The following EFNA5 variants were observed in gnomAD, a reference collection of about 807,000 sequenced individuals.
The protein encoded by EFNA5 is ephrin-A5.
Under a neutral mutation model 22.9 loss-of-function variants are expected in EFNA5, and 5 were observed. That is an observed-to-expected ratio of 0.22 (90% CI 0.11 to 0.46). The LOEUF (loss-of-function observed/expected upper bound fraction) is 0.46. Among genes scored for constraint, EFNA5 ranks in the 20% least tolerant of loss-of-function variants. The pLI, the probability that EFNA5 is intolerant of heterozygous loss-of-function variation, is 0.99. For missense variants in EFNA5, 237 were observed against 293.3 expected, an observed-to-expected ratio of 0.81 and a Z score of 1.40; for synonymous variants, 113 against 112.2, an observed-to-expected ratio of 1.01 and a Z score of -0.04.
At position 107,648,335 on chromosome 5, in the gene EFNA5, G is replaced by A. The variant is rs148816035; in HGVS notation, c.125+22154C>T. On this transcript the variant is annotated intron_variant, in intron 1 of 4. Transcript: ENST00000333274. ...GGTGTGACAATGGAGTCATATTTAT[G>A]TAACTAAAATACTTATATTGCATAA... is the stretch of plus-strand genomic sequence containing the variant. Among the ~76,000 whole-genome samples the A allele has an allele frequency of 3.7e-3, 562 of 152,260 alleles. 2 individuals carry two copies. The highest frequency in any genetic ancestry group is 7.7e-3 in the South Asian group (37 of 4,828).
chr5:107,513,126 G>A (rs153100), intron 1 of EFNA5, among the ~76,000 whole-genome samples: 46,014 of 152,016 alleles, frequency 0.3, 7,423 homozygotes, highest in Middle Eastern at 0.38. Flanking sequence ...TTGGCACCAT[G>A]CCTCTGTAGC....
intron 1 of EFNA5, among the ~76,000 whole-genome samples, chr5:107,651,727 T>G (rs535802477): frequency 6.6e-6 from 1 of 151,956 alleles, no homozygotes; most frequent in East Asian, 1.9e-4. Context: ...GGGAAACAAT[T>G]CAGATATAAT....
intron 1 of EFNA5, among the ~76,000 whole-genome samples, chr5:107,516,685 G>A (rs1442384271): frequency 6.6e-6 from 1 of 152,156 alleles, no homozygotes; most frequent in Non-Finnish European, 1.5e-5. Flanking sequence ...TGATGATGGT[G>A]ATGATGTTTT....
At chr5:107,669,876 C>T (rs776452139) in intron 1 of EFNA5, among the ~76,000 whole-genome samples, 18 of 152,020 alleles carry the variant, frequency 1.2e-4, no homozygotes, top group South Asian at 4.2e-4. Flanking sequence ...CTGCCAGGCG[C>T]GCCGGGCCCA....
chr5:107,656,725 T>C (rs1009117166), intron 1 of EFNA5, among the ~76,000 whole-genome samples: 2 of 152,122 alleles, frequency 1.3e-5, no homozygotes, highest in African/African-American at 4.8e-5. Context: ...CCTTTAAATT[T>C]TCACAAGTCT....
chr5:107,429,900 G>A (rs1433432198), intron 1 of EFNA5, among the ~76,000 whole-genome samples: 3 of 152,104 alleles, frequency 2.0e-5, no homozygotes, highest in Non-Finnish European at 2.9e-5. Context: ...AAATCATATA[G>A]AAATGTTAAA....
At chr5:107,483,171 CAG>C (rs1750534377) in intron 1 of EFNA5, among the ~76,000 whole-genome samples, 1 of 151,848 alleles carries the variant, frequency 6.6e-6, no homozygotes, top group East Asian at 1.9e-4. Context: ...CTTTTCTTTC[CAG>C]AGATTACTTC....
intron 1 of EFNA5, among the ~76,000 whole-genome samples, chr5:107,439,512 G>C (rs1310363911): frequency 6.6e-6 from 1 of 152,136 alleles, no homozygotes; most frequent in Non-Finnish European, 1.5e-5. Context: ...ATAAAGAACA[G>C]CTAAGTAAAA....
chr5:107,630,166 A>C (rs1750219970), intron 1 of EFNA5, among the ~76,000 whole-genome samples: 1 of 152,178 alleles, frequency 6.6e-6, no homozygotes, highest in African/African-American at 2.4e-5. Flanking sequence ...CAATTCTTCC[A>C]ATGTGGCCAG....
intron 1 of EFNA5, among the ~76,000 whole-genome samples, chr5:107,577,835 A>C (rs1038951679): frequency 6.6e-6 from 1 of 152,180 alleles, no homozygotes; most frequent in Non-Finnish European, 1.5e-5. Flanking sequence ...CACCGGCTGC[A>C]TCAGCAAGCA....
At chr5:107,607,424 C>A (rs963269692) in intron 1 of EFNA5, among the ~76,000 whole-genome samples, 1 of 152,176 alleles carries the variant, frequency 6.6e-6, no homozygotes, top group African/African-American at 2.4e-5. Flanking sequence ...TTAATCAATA[C>A]CTTAAAAAAC....
At chr5:107,548,105 T>C (rs952485204) in intron 1 of EFNA5, among the ~76,000 whole-genome samples, 6 of 152,220 alleles carry the variant, frequency 3.9e-5, no homozygotes, top group Non-Finnish European at 7.3e-5. Context: ...ACCTTCATTT[T>C]CCAATGACGA....
At chr5:107,563,777 T>C (rs961701313) in intron 1 of EFNA5, among the ~76,000 whole-genome samples, 3 of 152,158 alleles carry the variant, frequency 2.0e-5, no homozygotes, top group Non-Finnish European at 4.4e-5. Context: ...TCCTTGTATC[T>C]AAATTTACAT....
At chr5:107,540,973 G>A (rs771590178) in intron 1 of EFNA5, among the ~76,000 whole-genome samples, 35 of 152,236 alleles carry the variant, frequency 2.3e-4, no homozygotes, top group South Asian at 1.0e-3. Flanking sequence ...CGGGCATGGT[G>A]GCGTGGGCCT....
chr5:107,658,755 A>G (rs1474925993), intron 1 of EFNA5, among the ~76,000 whole-genome samples: 2 of 152,162 alleles, frequency 1.3e-5, no homozygotes, highest in Non-Finnish European at 2.9e-5. Context: ...TTAGAAATGC[A>G]GACTGTCAGG....
chr5:107,601,782 C>CA (rs1309697739), intron 1 of EFNA5, among the ~76,000 whole-genome samples: 1 of 152,002 alleles, frequency 6.6e-6, no homozygotes, highest in Non-Finnish European at 1.5e-5. Flanking sequence ...AACACACAAA[C>CA]AAAAAACAAA....
At chr5:107,541,797 G>C (rs1748053287) in intron 1 of EFNA5, among the ~76,000 whole-genome samples, 1 of 152,216 alleles carries the variant, frequency 6.6e-6, no homozygotes, top group Non-Finnish European at 1.5e-5. Context: ...ACTTGACTCA[G>C]TCACATGTGG....
intron 1 of EFNA5, among the ~76,000 whole-genome samples, chr5:107,568,538 T>C (rs1748710170): frequency 6.6e-6 from 1 of 152,184 alleles, no homozygotes; most frequent in Non-Finnish European, 1.5e-5. Flanking sequence ...GGAAAGAAAC[T>C]GACAGCTGCA....
At chr5:107,556,101 T>C (rs891527369) in intron 1 of EFNA5, among the ~76,000 whole-genome samples, 2 of 152,200 alleles carry the variant, frequency 1.3e-5, no homozygotes, top group African/African-American at 2.4e-5. Flanking sequence ...GTCAACCCCA[T>C]TGCCTCTCTT....
Sources: gnomAD v4.1 joint callset for allele counts (sites outside exome capture counted in the v4.1 genomes callset) on GRCh38, gnomAD v4.1.1 for gene constraint, MANE v1.5 for transcripts, NCBI Gene and HGNC (gene_info 2026-07-23, HGNC 2026-07-21) for gene names.